FADS1: variants seen among roughly 807,000 people sequenced by gnomAD.
The protein encoded by FADS1 is acyl-CoA (8-3)-desaturase.
A neutral mutation model predicts 61.6 loss-of-function variants in FADS1; 17 were observed. That is an observed-to-expected ratio of 0.28 (90% CI 0.19 to 0.41). FADS1 has a LOEUF of 0.41. Among genes scored for constraint, FADS1 ranks in the 10% least tolerant of loss-of-function variants. FADS1 has a pLI of 1.00. For synonymous variants in FADS1, 238 were observed against 258.7 expected (o/e 0.92, Z 0.77); for missense variants, 387 against 650.9 (o/e 0.59, Z 4.41).
At position 61,815,533 on chromosome 11, in the gene FADS1, CG is replaced by C. The variant is rs2066973408; in HGVS notation, c.375+1021del. 1 of 152,512 alleles carries C rather than the reference CG, an allele frequency of 6.6e-6. No individual in the cohort carries two copies. Among genetic ancestry groups the C allele is most frequent in the Non-Finnish European group, 1.5e-5 (1 of 68,296 alleles). The allele number at this position is 152,512 out of a possible 1,614,324, so 9.4% of individuals were successfully genotyped here. ...GTGGAGGGCATCACGCTGCAGGGCA[CG>C]GGATCAGAGGGGGATGCAAGGGGAG... On this transcript the variant is annotated intron_variant, in intron 1 of 11. Transcript: ENST00000350997. This position sits in a 1 kb window ranked among gnomAD's most constrained non-coding sequence, Gnocchi z 6.4.
Position 61,811,087 on chromosome 11 carries a change from G to A in FADS1, c.685-12C>T. The A allele has an allele frequency of 6.2e-7, 1 of 1,607,272 alleles. No individual in the cohort carries two copies. Among genetic ancestry groups the A allele is most frequent in the Non-Finnish European group, 8.5e-7 (1 of 1,176,566 alleles). On this transcript the variant is annotated splice_polypyrimidine_tract_variant and intron_variant, in intron 3 of 11. Coordinates refer to ENST00000350997, the MANE Select transcript of FADS1 (RefSeq NM_013402.7). ...CAGCCAGCCTGGGCCTAGGTGAGAA[G>A]AGTCAACACTGAGAGCAGCCCACCA...
At chr11:61,812,891 G>C (rs1337949535) in intron 2 of FADS1, among the ~76,000 whole-genome samples, 14 of 152,188 alleles carry the variant, frequency 9.2e-5, no homozygotes. Flanking sequence ...TACTAACTGT[G>C]TGATCCTTGG....
At position 61,813,348 on chromosome 11, in the gene FADS1, G is replaced by T. The variant is rs1591154602; in HGVS notation, c.381C>A (p.Pro127=). 1.3e-6 allele frequency: 2 copies of T among 1,598,226 alleles called. No homozygotes were observed. Among genetic ancestry groups the T allele is most frequent in the Admixed American group, 1.7e-5 (1 of 59,448 alleles). Residue 127 remains proline (P), a synonymous_variant, in exon 2 of 12, where the codon CCC becomes CCA. Transcript: ENST00000350997. ...SHYAGQDATD[P]FVAFHINKGL... is the part of the protein sequence containing the mutation. ...CCTTGTTGATGTGGAAGGCCACAAAGGGATCCTGCAAGTGCCGGGAGAAGA... is the reference window on the plus strand; with the variant it reads ...CCTTGTTGATGTGGAAGGCCACAAATGGATCCTGCAAGTGCCGGGAGAAGA...
In FADS1 at chr11:61,811,093, A is replaced by C; in HGVS notation, c.685-18T>G. 6.3e-7 allele frequency: 1 copy of C among 1,598,390 alleles called. No individual in the cohort carries two copies. The highest frequency in any genetic ancestry group is 2.2e-5 in the East Asian group (1 of 44,756). ...GCCTGGGCCTAGGTGAGAAGAGTCA[A>C]CACTGAGAGCAGCCCACCAGCCCCA... On this transcript the variant is annotated intron_variant, in intron 3 of 11. Coordinates refer to ENST00000350997, the MANE Select transcript of FADS1 (RefSeq NM_013402.7).
In FADS1 at chr11:61,816,898, A is replaced by T; in HGVS notation, c.32T>A (p.Leu11Gln). 7.0e-7 allele frequency: 1 copy of T among 1,424,488 alleles called. No individual in the cohort carries two copies. Among genetic ancestry groups the T allele is most frequent in the South Asian group, 1.5e-5 (1 of 68,508 alleles). 88.2% of individuals were successfully genotyped at this position (1,424,488 alleles called of 1,614,324 possible). A position where few individuals can be genotyped will look rare whatever the true frequency, so the allele number is the denominator to read the frequency against. MGTRAARPAG[L>Q]PCGAENPARR... ...CGCCGGGTTTTCAGCACCGCAGGGC[A>T]GACCGGCGGGCCTCGCAGCGCGCGT... The change falls in exon 1 of 12, where the codon CTG becomes CAG. Residue 11 changes from leucine to glutamine, a missense_variant. By Grantham distance (113) the Leu-to-Gln change is moderately radical. This residue lies in a region of FADS1 where 130 missense variants were observed against 117.7 expected (regional missense o/e 1.10). Transcript: ENST00000350997. The surrounding 1 kb of genome is among the most constrained non-coding windows in gnomAD (Gnocchi z 7.0).
intron 3 of FADS1, 90 bp downstream of exon 3, chr11:61,812,381 C>T: frequency 8.5e-7 from 1 of 1,172,712 alleles, no homozygotes; most frequent in Non-Finnish European, 1.3e-6. Flanking sequence ...GCTTGGAGGG[C>T]AGGCACTCTT....
rs994384309 is a variant in FADS1 at position 61,815,533 on chromosome 11, C to T, written c.375+1022G>A. 2.0e-5 allele frequency: 3 copies of T among 152,512 alleles called. No homozygotes were observed. The highest frequency in any genetic ancestry group is 4.4e-5 in the Non-Finnish European group (3 of 68,296). The allele number at this position is 152,512 out of a possible 1,614,324, so 9.4% of individuals were successfully genotyped here. ...GTGGAGGGCATCACGCTGCAGGGCA[C>T]GGGATCAGAGGGGGATGCAAGGGGA... On this transcript the variant is annotated intron_variant, in intron 1 of 11. Coordinates refer to ENST00000350997, the MANE Select transcript of FADS1 (RefSeq NM_013402.7). This position sits in a 1 kb window ranked among gnomAD's most constrained non-coding sequence, Gnocchi z 6.4.
intron 3 of FADS1, among the ~76,000 whole-genome samples, chr11:61,811,566 A>G (rs2066931171): frequency 6.6e-6 from 1 of 150,524 alleles, no homozygotes; most frequent in South Asian, 2.1e-4. Context: ...TTGGCCTCCC[A>G]AACTGCTGGG....
At chr11:61,809,786 A>G (rs1449032876) in intron 5 of FADS1, among the ~76,000 whole-genome samples, 1 of 152,154 alleles carries the variant, frequency 6.6e-6, no homozygotes, top group East Asian at 1.9e-4. Context: ...TAACAAACCC[A>G]AGTCCATGCT....
At chr11:61,812,054 A>C (rs1287313843) in intron 3 of FADS1, 2 of 313,072 alleles carry the variant, frequency 6.4e-6, no homozygotes, top group Non-Finnish European at 1.3e-5. Context: ...TAGAATACAG[A>C]AAGGACTGAA....
In FADS1 at chr11:61,816,590, G is replaced by T. The variant is rs761717618; in HGVS notation, c.340C>A (p.Arg114=). 1.2e-6 allele frequency: 2 copies of T among 1,609,486 alleles called. No homozygotes were observed. The highest frequency in any genetic ancestry group is 2.2e-5 in the East Asian group (1 of 44,696). ...TGCCCGGCGTAGTGGCTGATGACCC[G>T]GGAGCCCCCTGGATGCCGGCGGGTG... ...EFTRRHPGGS[R]VISHYAGQDA... The change falls in exon 1 of 12, where the codon CGG becomes AGG. Residue 114 remains arginine (R), a synonymous_variant. Coordinates refer to ENST00000350997, the MANE Select transcript of FADS1 (RefSeq NM_013402.7). This position sits in a 1 kb window ranked among gnomAD's most constrained non-coding sequence, Gnocchi z 7.0.
intron 3 of FADS1, among the ~76,000 whole-genome samples, chr11:61,812,267 G>T (rs935844417): frequency 6.6e-6 from 1 of 152,210 alleles, no homozygotes; most frequent in African/African-American, 2.4e-5. Flanking sequence ...AGCTAAAAAG[G>T]CAGTGAGAGA....
chr11:61,814,816 T>C (rs1415698239), intron 1 of FADS1: 1 of 152,250 alleles, frequency 6.6e-6, no homozygotes, highest in African/African-American at 2.4e-5. Context: ...AGAAAAGTTC[T>C]CTAGGTCCCC....
chr11:61,804,573 T>C lies in FADS1; in HGVS notation c.1053+112A>G, dbSNP rs1380315150. ...GAGGATCTGTGTCTGGTTCTATTAT[T>C]TTGTTCTAAATTAGGCCTAGAGTCA... On this transcript the variant is annotated intron_variant, in intron 7 of 11. Coordinates refer to ENST00000350997, the MANE Select transcript of FADS1 (RefSeq NM_013402.7). 3.8e-6 allele frequency: 3 copies of C among 786,944 alleles called. No homozygotes were observed. The East Asian group carries it at 7.4e-5, about 19-fold the overall frequency. 48.7% of individuals were successfully genotyped at this position (786,944 alleles called of 1,614,324 possible).
intron 3 of FADS1, among the ~76,000 whole-genome samples, chr11:61,811,376 C>A (rs1272268499): frequency 6.6e-6 from 1 of 151,986 alleles, no homozygotes. Flanking sequence ...GGTTTCAGAT[C>A]ACTGCAACCT....
intron 5 of FADS1, among the ~76,000 whole-genome samples, chr11:61,809,417 C>T (rs909094072): frequency 1.3e-5 from 2 of 152,170 alleles, no homozygotes; most frequent in Non-Finnish European, 2.9e-5. Flanking sequence ...ATCATACTCA[C>T]TGCAGCCTTC....
chr11:61,804,629 C>T, intron 7 of FADS1, 56 bp downstream of exon 7: 1 of 1,476,422 alleles, frequency 6.8e-7, no homozygotes. Flanking sequence ...AACCCCTATC[C>T]CCCACTCTGG....
At position 61,811,058 on chromosome 11, in the gene FADS1, C is replaced by G; in HGVS notation, c.702G>C (p.Leu234=). ...CCGACAGGTGCCCAAAGTCATGCTG[C>G]AGCCAGCCAGCCTGGGCCTAGGTGA... ...LSAVQAQAGW[L]QHDFGHLSVF... The change falls in exon 4 of 12, where the codon CTG becomes CTC. Residue 234 remains leucine, a synonymous_variant. Coordinates refer to ENST00000350997, the MANE Select transcript of FADS1 (RefSeq NM_013402.7). 1 of 1,613,394 alleles carries G rather than the reference C, an allele frequency of 6.2e-7. No individual in the cohort carries two copies. The highest frequency in any genetic ancestry group is 1.7e-5 in the Admixed American group (1 of 60,018).
chr11:61,802,739 C>T lies in FADS1; in HGVS notation c.1454+62G>A. ...GTTCACTCCCCACCCTACATGTCAT[C>T]ATTTCCATTGCCCTGCCCTCTTCCC... is the stretch of plus-strand genomic sequence containing the variant. On this transcript the variant is annotated intron_variant, in intron 11 of 11. Coordinates refer to ENST00000350997, the MANE Select transcript of FADS1 (RefSeq NM_013402.7). The surrounding 1 kb of genome is among the most constrained non-coding windows in gnomAD (Gnocchi z 4.2). The T allele has an allele frequency of 6.2e-7, 1 of 1,608,202 alleles. No homozygotes were observed. The highest frequency in any genetic ancestry group is 8.5e-7 in the Non-Finnish European group (1 of 1,176,472).
Sources: gnomAD v4.1 joint callset for allele counts (sites outside exome capture counted in the v4.1 genomes callset) on GRCh38, gnomAD v4.1.1 for gene constraint, gnomAD v4.1.1 regional missense constraint, Gnocchi (gnomAD v3.1) non-coding constraint, MANE v1.5 for transcripts, NCBI Gene and HGNC (gene_info 2026-07-23, HGNC 2026-07-21) for gene names.